The following TERF2 variants were observed in gnomAD, a reference collection of about 807,000 sequenced individuals.
TERF2 encodes the protein telomeric repeat binding factor 2.
TERF2 carries 16 observed loss-of-function variants against 56.1 expected under a neutral mutation model. The ratio of observed to expected loss-of-function variants is 0.29; its 90% confidence interval spans 0.19 to 0.43. The LOEUF is 0.43. Among genes scored for constraint, TERF2 ranks in the 20% least tolerant of loss-of-function variants. TERF2 has a pLI of 1.00. For synonymous variants in TERF2, 296 were observed against 282.1 expected, an observed-to-expected ratio of 1.05 and a Z score of -0.50; for missense variants, 547 against 712.9, an observed-to-expected ratio of 0.77 and a Z score of 2.65.
At chr16:69,372,881 G>T (rs979078240) in intron 3 of TERF2, among the ~76,000 whole-genome samples, 10 of 152,116 alleles carry the variant, frequency 6.6e-5, no homozygotes, top group Non-Finnish European at 1.0e-4. Flanking sequence ...ATGGCTGATA[G>T]AGCAAAATCT....
At chr16:69,384,502 C>G in intron 3 of TERF2, 78 bp downstream of exon 3, 1 of 1,485,200 alleles carries the variant, frequency 6.7e-7, no homozygotes, top group Non-Finnish European at 9.1e-7. Context: ...CTGCCCCACA[C>G]AGTAAAGAGT....
At position 69,361,308 on chromosome 16, in the gene TERF2, C is replaced by T. The variant is rs566856515; in HGVS notation, c.1426+96G>A. 8.8e-4 allele frequency: 757 copies of T among 859,970 alleles called. 11 individuals are homozygous for T. The South Asian group carries it at 9.5e-3, about 11-fold the overall frequency. 53.3% of individuals were successfully genotyped at this position (859,970 alleles called of 1,614,324 possible). A position where few individuals can be genotyped will look rare whatever the true frequency, so the allele number is the denominator to read the frequency against. On this transcript the variant is annotated intron_variant, in intron 8 of 9. Transcript: ENST00000254942. ...GGAACTTACTGAACTTTTTCTAGTT[C>T]GGAGACAAGCAGCTTCTGGAATATT...
intron 7 of TERF2, among the ~76,000 whole-genome samples, chr16:69,364,694 G>A (rs1347085314): frequency 2.0e-5 from 3 of 152,030 alleles, no homozygotes; most frequent in Non-Finnish European, 4.4e-5. Context: ...CACACTCGAC[G>A]ACCTTCTGCT....
At chr16:69,372,241 C>A in intron 4 of TERF2, 28 bp downstream of exon 4, 1 of 1,536,584 alleles carries the variant, frequency 6.5e-7, no homozygotes, top group South Asian at 1.2e-5. Flanking sequence ...GAATTTAAGT[C>A]ACAGGAGCAA....
chr16:69,362,503 A>G (rs1414428871), intron 7 of TERF2, among the ~76,000 whole-genome samples: 1 of 152,080 alleles, frequency 6.6e-6, no homozygotes, highest in Non-Finnish European at 1.5e-5. Context: ...AGCTGGAGAC[A>G]TATTAGCTGA....
chr16:69,362,250 C>T (rs1002161586), intron 7 of TERF2, among the ~76,000 whole-genome samples: 7 of 151,854 alleles, frequency 4.6e-5, no homozygotes, highest in Admixed American at 1.3e-4. Context: ...GAGTCCCTTC[C>T]CTGCTAAGTG....
At chr16:69,369,115 CTT>C (rs1176616443) in intron 5 of TERF2, among the ~76,000 whole-genome samples, 1 of 74,622 alleles carries the variant, frequency 1.3e-5, no homozygotes, top group Non-Finnish European at 2.8e-5. Flanking sequence ...AATCAGGGCT[CTT>C]TGTGTTATAT....
chr16:69,356,529 G>A lies in TERF2; in HGVS notation c.*369C>T, dbSNP rs192646573. On this transcript the variant is annotated 3_prime_UTR_variant, in exon 10 of 10. Coordinates refer to ENST00000254942, the MANE Select transcript of TERF2 (RefSeq NM_005652.5). The stretch of plus-strand genomic sequence containing the variant: ...GAAAGAAACAGCAGATGCCAGGCGC[G>A]GTGGCTCATGCCTGTAATCCCAGCA... The A allele has an allele frequency of 7.9e-5, 21 of 266,612 alleles. No individual in the cohort carries two copies. The highest frequency in any genetic ancestry group is 1.8e-4 in the African/African-American group (8 of 44,300). 16.5% of individuals were successfully genotyped at this position (266,612 alleles called of 1,614,324 possible).
chr16:69,385,559 C>CG, intron 1 of TERF2, 34 bp downstream of exon 1: 1 of 1,432,330 alleles, frequency 7.0e-7, no homozygotes, highest in Non-Finnish European at 9.8e-7. Context: ...CCTTCCCCGG[C>CG]GCTCCAACCC....
intron 3 of TERF2, among the ~76,000 whole-genome samples, chr16:69,375,615 G>T (rs947433490): frequency 6.6e-6 from 1 of 151,432 alleles, no homozygotes; most frequent in African/African-American, 2.4e-5. Context: ...TATAGTTAGG[G>T]TTTTTTTTTA....
At position 69,384,569 on chromosome 16, in the gene TERF2, T is replaced by C; in HGVS notation, c.606+11A>G. The C allele has an allele frequency of 1.2e-6, 2 of 1,610,436 alleles. No homozygotes were observed. The highest frequency in any genetic ancestry group is 8.5e-7 in the Non-Finnish European group (1 of 1,179,118). Reference sequence around the variant, plus strand: ...TGGTCAAAGAAAAAAGATATAAAAATAGAGCCTTACAGCTTCCTTGACCAG... The same window carrying C: ...TGGTCAAAGAAAAAAGATATAAAAACAGAGCCTTACAGCTTCCTTGACCAG... On this transcript the variant is annotated intron_variant, in intron 3 of 9. Transcript: ENST00000254942.
chr16:69,377,811 ATTT>A (rs1265951455), intron 3 of TERF2, among the ~76,000 whole-genome samples: 1 of 151,100 alleles, frequency 6.6e-6, no homozygotes, highest in Admixed American at 6.6e-5. Context: ...TGTATGACTG[ATTT>A]TTGTGTTGAT....
chr16:69,374,821 C>T (rs1458400708), intron 3 of TERF2, among the ~76,000 whole-genome samples: 2 of 151,934 alleles, frequency 1.3e-5, no homozygotes, highest in Non-Finnish European at 2.9e-5. Context: ...AAAAATTAGA[C>T]GGGCATGGTA....
intron 8 of TERF2, among the ~76,000 whole-genome samples, chr16:69,358,577 G>A (rs2142702315): frequency 6.6e-6 from 1 of 152,324 alleles, no homozygotes; most frequent in East Asian, 1.9e-4. Flanking sequence ...TAACAATGGG[G>A]ATATGTTCTG....
chr16:69,370,050 A>G (rs2013506587), intron 5 of TERF2, among the ~76,000 whole-genome samples: 1 of 152,108 alleles, frequency 6.6e-6, no homozygotes, highest in Non-Finnish European at 1.5e-5. Context: ...TTATTTTTTG[A>G]GACGGAGTCT....
chr16:69,358,909 C>T lies in TERF2; in HGVS notation c.1427-1348G>A, dbSNP rs117886821. On this transcript the variant is annotated intron_variant, in intron 8 of 9. Coordinates refer to ENST00000254942, the MANE Select transcript of TERF2 (RefSeq NM_005652.5). ...CCTCTGCAAAAAAGGAATATGCCTA[C>T]GATATATGGTGTAGCCTATTTTTCC... Among the ~76,000 whole-genome samples the T allele has an allele frequency of 1.0e-3, 153 of 152,300 alleles. 2 individuals are homozygous for T. The East Asian group carries it at 0.026, about 26-fold the overall frequency.
At chr16:69,373,781 A>C (rs2142746057) in intron 3 of TERF2, among the ~76,000 whole-genome samples, 1 of 152,300 alleles carries the variant, frequency 6.6e-6, no homozygotes, top group South Asian at 2.1e-4. Flanking sequence ...TGCAGTGAGC[A>C]GTGACTGTAC....
Position 69,385,382 on chromosome 16 carries a change from T to C in TERF2, c.475+9A>G, listed in dbSNP as rs766124901. 2.5e-6 allele frequency: 4 copies of C among 1,612,242 alleles called. No individual in the cohort carries two copies. Among genetic ancestry groups the C allele is most frequent in the Non-Finnish European group, 3.4e-6 (4 of 1,178,476 alleles). On this transcript the variant is annotated intron_variant, in intron 2 of 9. Transcript: ENST00000254942. ...GTAAGCCCAGAGAAGAACACAAAAA[T>C]AGCCATACCTAAATTTTCCCCTTCT... is the stretch of plus-strand genomic sequence containing the variant.
Position 69,370,483 on chromosome 16 carries a change from C to T in TERF2, c.840G>A (p.Thr280=), listed in dbSNP as rs2013525482. The change falls in exon 5 of 10, where the codon ACG becomes ACA. Residue 280 remains threonine, a splice_region_variant and synonymous_variant. Coordinates refer to ENST00000254942, the MANE Select transcript of TERF2 (RefSeq NM_005652.5). ...HLDDAEPYLL[T]MAKKALKSES... The stretch of plus-strand genomic sequence containing the variant: ...TTATGGGAGAAGGGCCAAGGCGCAC[C>T]GTGAGGAGGTAGGGCTCGGCGTCAT... The T allele has an allele frequency of 1.2e-6, 2 of 1,613,996 alleles. No individual in the cohort carries two copies. Among genetic ancestry groups the T allele is most frequent in the Non-Finnish European group, 8.5e-7 (1 of 1,180,018 alleles).
Sources: allele counts gnomAD v4.1 joint callset (sites outside exome capture counted in the v4.1 genomes callset), GRCh38; gene constraint gnomAD v4.1.1; transcripts MANE v1.5; gene names NCBI Gene and HGNC (gene_info 2026-07-23, HGNC 2026-07-21).